GNA14: variants seen among roughly 807,000 people sequenced by gnomAD.
GNA14 encodes the protein G protein subunit alpha 14.
Under a neutral mutation model 42.0 loss-of-function variants are expected in GNA14, and 50 were observed. That is an observed-to-expected ratio of 1.19 (90% CI 0.95 to 1.51). The LOEUF (loss-of-function observed/expected upper bound fraction) is 1.51. Ranked by LOEUF, GNA14 falls within the 40% of genes most tolerant of loss-of-function variation. The probability of loss-of-function intolerance (pLI) is 0.00; values close to 1 mark genes in which losing one functional copy is unlikely to be tolerated. For missense variants in GNA14, 473 were observed against 446.2 expected, an observed-to-expected ratio of 1.06 and a Z score of -0.54; for synonymous variants, 173 against 163.1, an observed-to-expected ratio of 1.06 and a Z score of -0.46.
chr9:77,516,876 T>C (rs1465855892), intron 2 of GNA14, among the ~76,000 whole-genome samples: 1 of 152,176 alleles, frequency 6.6e-6, no homozygotes, highest in Non-Finnish European at 1.5e-5. Flanking sequence ...ACAACAATAA[T>C]GACAACCTGT....
At chr9:77,592,571 C>G (rs1823407425) in intron 1 of GNA14, among the ~76,000 whole-genome samples, 1 of 152,124 alleles carries the variant, frequency 6.6e-6, no homozygotes, top group African/African-American at 2.4e-5. Flanking sequence ...CCAGTTTACC[C>G]CAGTCACCAC....
At chr9:77,635,465 C>A (rs1360936388) in intron 1 of GNA14, among the ~76,000 whole-genome samples, 1 of 152,030 alleles carries the variant, frequency 6.6e-6, no homozygotes, top group Non-Finnish European at 1.5e-5. Context: ...AATTTTAGCA[C>A]TTAAATTGAT....
intron 2 of GNA14, among the ~76,000 whole-genome samples, chr9:77,441,141 T>C (rs1420191857): frequency 1.3e-5 from 2 of 152,262 alleles, no homozygotes; most frequent in Non-Finnish European, 2.9e-5. Flanking sequence ...CGTATTGATA[T>C]GGTTTGGCTC....
At chr9:77,617,926 C>G (rs1823849444) in intron 1 of GNA14, among the ~76,000 whole-genome samples, 1 of 152,028 alleles carries the variant, frequency 6.6e-6, no homozygotes, top group South Asian at 2.1e-4. Context: ...TTAGGCCCAC[C>G]AGTTCCCAGG....
chr9:77,616,416 A>G lies in GNA14; in HGVS notation c.124+31254T>C, dbSNP rs1454902933. ...GGCTGGAACGAAGCCAAGGAAGCTA[A>G]CTGCTGTGCAAGGCACTACTTATTA... is the stretch of plus-strand genomic sequence containing the variant. On this transcript the variant is annotated intron_variant, in intron 1 of 6. Coordinates refer to ENST00000341700, the MANE Select transcript of GNA14 (RefSeq NM_004297.4). Among the ~76,000 whole-genome samples, 4 of 152,206 alleles carry G rather than the reference A, an allele frequency of 2.6e-5. 1 individual carries two copies. Among genetic ancestry groups the G allele is most frequent in the African/African-American group, 7.2e-5 (3 of 41,448 alleles).
intron 2 of GNA14, among the ~76,000 whole-genome samples, chr9:77,438,648 T>A (rs767949357): frequency 8.5e-5 from 13 of 152,138 alleles, no homozygotes; most frequent in Non-Finnish European, 1.5e-4. Context: ...TACAAAGACT[T>A]CTTCTATGCC....
chr9:77,598,924 C>T (rs1243891137), intron 1 of GNA14, among the ~76,000 whole-genome samples: 1 of 152,196 alleles, frequency 6.6e-6, no homozygotes, highest in Non-Finnish European at 1.5e-5. Flanking sequence ...TTGTTGAGCA[C>T]CTATTATGTC....
intron 2 of GNA14, among the ~76,000 whole-genome samples, chr9:77,490,085 G>C (rs560249493): frequency 1.3e-5 from 2 of 151,918 alleles, no homozygotes; most frequent in African/African-American, 4.8e-5. Context: ...AGTGTCGATT[G>C]GTGCACTCAC....
chr9:77,520,663 T>C (rs976438994), intron 2 of GNA14, among the ~76,000 whole-genome samples: 5 of 152,180 alleles, frequency 3.3e-5, no homozygotes, highest in Non-Finnish European at 7.3e-5. Context: ...CCTCCGGGGT[T>C]CAAGAGATTC....
chr9:77,434,909 G>A (rs1189693232), intron 2 of GNA14, among the ~76,000 whole-genome samples: 1 of 152,094 alleles, frequency 6.6e-6, no homozygotes, highest in Non-Finnish European at 1.5e-5. Flanking sequence ...CATAGCCAAT[G>A]AGGCCATTTA....
chr9:77,428,308 T>C (rs1835487987), intron 5 of GNA14, among the ~76,000 whole-genome samples: 1 of 152,060 alleles, frequency 6.6e-6, no homozygotes, highest in Non-Finnish European at 1.5e-5. Context: ...CTCGATCTCC[T>C]GACCTCGTGA....
At chr9:77,498,373 C>CAAAAAAAAAAA (rs766816001) in intron 2 of GNA14, among the ~76,000 whole-genome samples, 31 of 54,100 alleles carry the variant, frequency 5.7e-4, no homozygotes, top group African/African-American at 7.7e-4. Context: ...AAGTCTGTCT[C>CAAAAAAAAAAA]AAAAAAAAAA....
chr9:77,495,919 G>A (rs1163249996), intron 2 of GNA14, among the ~76,000 whole-genome samples: 3 of 152,102 alleles, frequency 2.0e-5, no homozygotes, highest in South Asian at 2.1e-4. Flanking sequence ...TTAATTGGTC[G>A]GCTTTCTTCC....
At position 77,647,722 on chromosome 9, in the gene GNA14, C is replaced by G; in HGVS notation, c.72G>C (p.Gln24His). The G allele has an allele frequency of 6.2e-7, 1 of 1,610,334 alleles. No homozygotes were observed. Among genetic ancestry groups the G allele is most frequent in the Middle Eastern group, 1.7e-4 (1 of 6,060 alleles). Residue 24 changes from glutamine to histidine, a missense_variant, in exon 1 of 7, where the codon CAG becomes CAC. Gln to His is a conservative substitution (Grantham distance 24, BLOSUM62 0). Transcript: ENST00000341700. Reference sequence around the variant, plus strand: ...GCGCGTCCTTCTTGTCCCGACGAAGCTGTCGCTCGATCTCCGCGCTGATGC... The same window carrying G: ...GCGCGTCCTTCTTGTCCCGACGAAGGTGTCGCTCGATCTCCGCGCTGATGC... ...SQRISAEIER[Q>H]LRRDKKDARR...
intron 1 of GNA14, among the ~76,000 whole-genome samples, chr9:77,567,969 C>T (rs764557597): frequency 6.6e-5 from 10 of 152,206 alleles, no homozygotes; most frequent in Non-Finnish European, 1.2e-4. Context: ...CTATGTTTGG[C>T]CCAAAAGATT....
intron 2 of GNA14, among the ~76,000 whole-genome samples, chr9:77,438,107 C>T (rs1476065377): frequency 2.0e-5 from 3 of 152,066 alleles, no homozygotes; most frequent in East Asian, 1.9e-4. Flanking sequence ...TCTGTTTAGC[C>T]GGGTGAGGGG....
chr9:77,476,348 C>T (rs545314436), intron 2 of GNA14, among the ~76,000 whole-genome samples: 11 of 152,236 alleles, frequency 7.2e-5, no homozygotes, highest in African/African-American at 1.9e-4. Context: ...GAGGGGGAGG[C>T]GCCCTGAGAG....
intron 2 of GNA14, among the ~76,000 whole-genome samples, chr9:77,483,978 C>G (rs1164927396): frequency 1.3e-5 from 2 of 152,180 alleles, no homozygotes; most frequent in African/African-American, 4.8e-5. Flanking sequence ...AATACCCAGA[C>G]AAATATTGAT....
At chr9:77,640,393 C>T (rs1824238870) in intron 1 of GNA14, among the ~76,000 whole-genome samples, 1 of 152,122 alleles carries the variant, frequency 6.6e-6, no homozygotes, top group African/African-American at 2.4e-5. Flanking sequence ...CTTCATATAG[C>T]CCTACACATG....
Sources: allele counts gnomAD v4.1 joint callset (sites outside exome capture counted in the v4.1 genomes callset), GRCh38; gene constraint gnomAD v4.1.1; transcripts MANE v1.5; gene names NCBI Gene and HGNC (gene_info 2026-07-23, HGNC 2026-07-21).